SHANK2: variants seen among roughly 807,000 people sequenced by gnomAD.
SHANK2 encodes the protein SH3 and multiple ankyrin repeat domains protein 2.
Under a neutral mutation model 133.7 loss-of-function variants are expected in SHANK2, and 43 were observed. The ratio of observed to expected loss-of-function variants is 0.32; its 90% CI spans 0.25 to 0.41. The LOEUF is 0.41. Ranked by LOEUF, SHANK2 falls within the 10% of genes least tolerant of loss-of-function variation. SHANK2 has a pLI of 1.00. For missense variants in SHANK2, 1,994 were observed against 2,235.8 expected, an observed-to-expected ratio of 0.89 and a Z score of 2.18; for synonymous variants, 1,017 against 952.8, an observed-to-expected ratio of 1.07 and a Z score of -1.24.
intron 2 of SHANK2, among the ~76,000 whole-genome samples, chr11:71,215,322 G>A (rs1316044368): frequency 6.6e-6 from 1 of 152,098 alleles, no homozygotes; most frequent in African/African-American, 2.4e-5. Context: ...GTACTTTTGA[G>A]GCCTCCCTGG....
At chr11:70,809,157 C>T (rs1266127830) in intron 12 of SHANK2, among the ~76,000 whole-genome samples, 1 of 152,220 alleles carries the variant, frequency 6.6e-6, no homozygotes, top group Non-Finnish European at 1.5e-5. Context: ...CAGGACGGCC[C>T]TCCCGGGCAC....
At chr11:71,136,971 T>C (rs1165004416) in intron 3 of SHANK2, among the ~76,000 whole-genome samples, 1 of 152,216 alleles carries the variant, frequency 6.6e-6, no homozygotes, top group Non-Finnish European at 1.5e-5. Flanking sequence ...CAAGGGATTC[T>C]CCTGCCTCAG....
intron 14 of SHANK2, among the ~76,000 whole-genome samples, chr11:70,759,040 T>C (rs1555039608): frequency 1.3e-5 from 2 of 152,006 alleles, no homozygotes; most frequent in African/African-American, 4.8e-5. Flanking sequence ...GTGCCTGTAG[T>C]CCCAGCTACT....
intron 1 of SHANK2, among the ~76,000 whole-genome samples, chr11:71,233,701 G>A (rs1954782255): frequency 6.6e-6 from 1 of 152,190 alleles, no homozygotes; most frequent in African/African-American, 2.4e-5. Context: ...TCTGTTAAAG[G>A]GGGATGCTCC....
intron 5 of SHANK2, among the ~76,000 whole-genome samples, chr11:71,112,535 C>T (rs1040748611): frequency 6.6e-6 from 1 of 152,186 alleles, no homozygotes; most frequent in African/African-American, 2.4e-5. Context: ...CATCAGGGCC[C>T]TCAAAGGGAA....
chr11:70,626,391 G>A (rs1375940116), intron 17 of SHANK2, among the ~76,000 whole-genome samples: 1 of 152,170 alleles, frequency 6.6e-6, no homozygotes, highest in African/African-American at 2.4e-5. Context: ...AGACACCAGG[G>A]AAAAATCCTG....
intron 17 of SHANK2, among the ~76,000 whole-genome samples, chr11:70,632,496 C>T (rs1180392403): frequency 6.6e-6 from 1 of 152,110 alleles, no homozygotes; most frequent in Non-Finnish European, 1.5e-5. Flanking sequence ...CTGAGTCAGA[C>T]CCACCTCTCT....
intron 17 of SHANK2, among the ~76,000 whole-genome samples, chr11:70,556,532 TA>T (rs35903201): frequency 6.6e-6 from 1 of 151,734 alleles, no homozygotes; most frequent in Non-Finnish European, 1.5e-5. Flanking sequence ...CCTCCTGCCT[TA>T]GCCTCCTGAC....
intron 11 of SHANK2, among the ~76,000 whole-genome samples, chr11:70,825,088 C>T (rs1317449649): frequency 1.3e-5 from 2 of 152,180 alleles, no homozygotes; most frequent in African/African-American, 4.8e-5. Context: ...TCACGCCCAG[C>T]TTCCCCGCCC....
chr11:70,587,838 G>A (rs1319163124), intron 17 of SHANK2, among the ~76,000 whole-genome samples: 2 of 151,988 alleles, frequency 1.3e-5, no homozygotes, highest in African/African-American at 2.4e-5. Flanking sequence ...CCCAAGTGCT[G>A]GGATTCTGGG....
rs2060145480 is a variant in SHANK2 at position 70,578,542 on chromosome 11, G to A, written c.2062-75611C>T. On this transcript the variant is annotated intron_variant, in intron 17 of 25. Coordinates refer to ENST00000601538, the MANE Select transcript of SHANK2 (RefSeq NM_012309.5). ...CTCCGGAGGCCCACATCCTTCATTT[G>A]CACCATTCTGGTACTGACAGTGGTT... Among the ~76,000 whole-genome samples, 2 of 152,164 alleles carry A rather than the reference G, an allele frequency of 1.3e-5. 1 individual carries two copies. Among genetic ancestry groups the A allele is most frequent in the South Asian group, 4.1e-4 (2 of 4,824 alleles).
chr11:71,171,101 G>C (rs1430250338), intron 2 of SHANK2, among the ~76,000 whole-genome samples: 1 of 152,180 alleles, frequency 6.6e-6, no homozygotes, highest in Non-Finnish European at 1.5e-5. Context: ...TGCACACGCG[G>C]GGACAGAGTG....
intron 11 of SHANK2, among the ~76,000 whole-genome samples, chr11:70,844,492 G>T (rs1471439383): frequency 6.6e-6 from 1 of 152,144 alleles, no homozygotes; most frequent in Non-Finnish European, 1.5e-5. Context: ...CATGGGGTTT[G>T]GGGCCGCAGT....
chr11:71,085,775 TTTATA>T (rs1480496263), intron 8 of SHANK2, among the ~76,000 whole-genome samples: 1 of 76,736 alleles, frequency 1.3e-5, no homozygotes, highest in Non-Finnish European at 2.2e-5. Flanking sequence ...ATATATTATA[TTTATA>T]TTATATAATA....
intron 17 of SHANK2, among the ~76,000 whole-genome samples, chr11:70,513,845 A>G (rs995369500): frequency 5.3e-5 from 8 of 152,232 alleles, no homozygotes; most frequent in African/African-American, 1.2e-4. Context: ...GATTTTAAAA[A>G]GTAGAACAGA....
chr11:70,482,460 T>G (rs2058747747), intron 25 of SHANK2, among the ~76,000 whole-genome samples: 1 of 152,262 alleles, frequency 6.6e-6, no homozygotes, highest in South Asian at 2.1e-4. Flanking sequence ...AGGCAGTCCC[T>G]GGCTCCCACA....
intron 17 of SHANK2, among the ~76,000 whole-genome samples, chr11:70,505,921 G>T (rs555182582): frequency 3.3e-5 from 5 of 152,228 alleles, no homozygotes; most frequent in African/African-American, 1.2e-4. Context: ...ATTTGTGGTG[G>T]CTGGATGCTG....
At chr11:70,585,176 G>A (rs1565152653) in intron 17 of SHANK2, among the ~76,000 whole-genome samples, 1 of 152,250 alleles carries the variant, frequency 6.6e-6, no homozygotes, top group Non-Finnish European at 1.5e-5. Flanking sequence ...CTGGGAGACC[G>A]CCTGACTCGA....
chr11:71,187,353 G>C lies in SHANK2; in HGVS notation c.-13+37344C>G, dbSNP rs187609313. Among the ~76,000 whole-genome samples, 3 of 152,046 alleles carry C rather than the reference G, an allele frequency of 2.0e-5. No homozygotes were observed. The East Asian group carries it at 5.8e-4, about 29-fold the overall frequency. On this transcript the variant is annotated intron_variant, in intron 2 of 25. Coordinates refer to ENST00000601538, the MANE Select transcript of SHANK2 (RefSeq NM_012309.5). ...ACGGGTTTCTCATGTTTTGTTTGGGGACAGTTTTTCATGGGTTTCTCATGT... is the reference window on the plus strand; with the variant it reads ...ACGGGTTTCTCATGTTTTGTTTGGGCACAGTTTTTCATGGGTTTCTCATGT...
Sources: gnomAD v4.1 joint callset for allele counts (sites outside exome capture counted in the v4.1 genomes callset) on GRCh38, gnomAD v4.1.1 for gene constraint, MANE v1.5 for transcripts, NCBI Gene and HGNC (gene_info 2026-07-23, HGNC 2026-07-21) for gene names.